The following CCNJL variants were observed in gnomAD, a reference collection of about 807,000 sequenced individuals.
The protein encoded by CCNJL is cyclin J like.
CCNJL carries 33 observed loss-of-function variants against 33.4 expected under a neutral mutation model. The ratio of observed to expected loss-of-function variants is 0.99; its 90% CI spans 0.75 to 1.32. The LOEUF (loss-of-function observed/expected upper bound fraction) is 1.32, where lower values mean the gene tolerates loss of function less well. Among genes scored for constraint, CCNJL ranks in the 40% most tolerant of loss-of-function variants. CCNJL has a pLI of 0.00. For missense variants in CCNJL, 512 were observed against 499.7 expected (o/e 1.02, Z -0.23); for synonymous variants, 227 against 220.9 (o/e 1.03, Z -0.24).
chr5:160,327,693 G>A (rs1581022551), intron 1 of CCNJL, among the ~76,000 whole-genome samples: 1 of 152,306 alleles, frequency 6.6e-6, no homozygotes, highest in Non-Finnish European at 1.5e-5. Flanking sequence ...CTTGTCAGAG[G>A]TCCTGGCAGG....
intron 1 of CCNJL, among the ~76,000 whole-genome samples, chr5:160,330,483 C>T (rs1024426822): frequency 2.6e-5 from 4 of 152,058 alleles, no homozygotes; most frequent in Non-Finnish European, 5.9e-5. Flanking sequence ...GTGGGCTCCT[C>T]TCTCCTCTCG....
intron 2 of CCNJL, among the ~76,000 whole-genome samples, chr5:160,306,738 T>C (rs1191048143): frequency 1.3e-5 from 2 of 152,148 alleles, no homozygotes; most frequent in Non-Finnish European, 2.9e-5. Flanking sequence ...AGGAGACGAG[T>C]GCAAGTTCTA....
At chr5:160,297,668 A>C (rs72812258) in intron 2 of CCNJL, among the ~76,000 whole-genome samples, 24,169 of 150,674 alleles carry the variant, frequency 0.16, 2,134 homozygotes, top group Non-Finnish European at 0.19. Context: ...AAAAAAAAAA[A>C]AAAACAAAAC....
At chr5:160,330,932 C>G (rs949264747) in intron 1 of CCNJL, among the ~76,000 whole-genome samples, 3 of 152,088 alleles carry the variant, frequency 2.0e-5, no homozygotes, top group African/African-American at 7.2e-5. Context: ...GGATTATAGG[C>G]GTGAGCCACT....
chr5:160,319,944 A>G (rs1164115521), intron 1 of CCNJL, among the ~76,000 whole-genome samples: 2 of 152,032 alleles, frequency 1.3e-5, no homozygotes, highest in East Asian at 3.9e-4. Flanking sequence ...AAATAAATAA[A>G]TAAATAAATA....
chr5:160,327,768 C>T (rs1763555847), intron 1 of CCNJL, among the ~76,000 whole-genome samples: 1 of 152,214 alleles, frequency 6.6e-6, no homozygotes, highest in African/African-American at 2.4e-5. Context: ...CTTTTCCTGT[C>T]TCACCTTCCC....
chr5:160,253,383 T>C lies in CCNJL; in HGVS notation c.1159A>G (p.Arg387Gly). 6.4e-7 allele frequency: 1 copy of C among 1,574,110 alleles called. No individual in the cohort carries two copies. Among genetic ancestry groups the C allele is most frequent in the Non-Finnish European group, 8.6e-7 (1 of 1,156,780 alleles). Residue 387 changes from arginine (R) to glycine (G), a missense_variant, in exon 6 of 6, where the codon AGA becomes GGA. Physicochemically the swap from Arg to Gly is moderately radical, Grantham distance 125. Coordinates refer to ENST00000257536, the MANE Select transcript of CCNJL (RefSeq NM_001308173.3). ...SHMFPTGCFD[R>G] The stretch of plus-strand genomic sequence containing the variant: ...TCGTGAGGTCTGGAGGTGGCCTATC[T>C]GTCAAAGCAGCCGGTGGGGAACATG...
At chr5:160,285,650 A>G (rs909280360) in intron 2 of CCNJL, among the ~76,000 whole-genome samples, 2 of 152,356 alleles carry the variant, frequency 1.3e-5, no homozygotes, top group Non-Finnish European at 2.9e-5. Context: ...ATCTCTCACT[A>G]GGAGAAACAG....
Position 160,253,806 on chromosome 5 carries a change from G to C in CCNJL, c.744-8C>G. ...AGGACGTTGTCATACACTCTGAAAC[G>C]AGAAGACCTGGGTGAGAACTGGAGG... On this transcript the variant is annotated splice_polypyrimidine_tract_variant and splice_region_variant and intron_variant, in intron 5 of 5. Coordinates refer to ENST00000257536, the MANE Select transcript of CCNJL (RefSeq NM_001308173.3). 3 of 1,497,154 alleles carry C rather than the reference G, an allele frequency of 2.0e-6. No homozygotes were observed. Among genetic ancestry groups the C allele is most frequent in the Non-Finnish European group, 2.7e-6 (3 of 1,128,032 alleles). 92.7% of individuals were successfully genotyped at this position (1,497,154 alleles called of 1,614,324 possible).
rs35461944 is a variant in CCNJL at position 160,337,003 on chromosome 5, C to CTT, written n.206+2440_206+2441dup. On this transcript the variant is annotated intron_variant and non_coding_transcript_variant, in intron 1 of 7. Coordinates refer to the CCNJL transcript ENST00000377503. Reference sequence around the variant, plus strand: ...CTTCCTTCCTTCTTTCTTTTTCTTTCTTTTTTTTTTTTTTTTTTTTGACAG... The same window carrying CTT: ...CTTCCTTCCTTCTTTCTTTTTCTTTCTTTTTTTTTTTTTTTTTTTTTTGACAG... 9.3e-3 allele frequency among the ~76,000 whole-genome samples: 884 copies of CTT among 95,054 alleles called. 28 individuals carry two copies. Among genetic ancestry groups the CTT allele is most frequent in the South Asian group, 9.5e-3 (23 of 2,414 alleles). 62.4% of individuals were successfully genotyped at this position (95,054 alleles called of 152,430 possible).
chr5:160,288,704 A>G (rs915842849), intron 2 of CCNJL, among the ~76,000 whole-genome samples: 1 of 151,824 alleles, frequency 6.6e-6, no homozygotes, highest in African/African-American at 2.4e-5. Flanking sequence ...TCCTGTCTCT[A>G]CTAAAAATAC....
At chr5:160,325,493 T>C (rs1200555413) in intron 1 of CCNJL, among the ~76,000 whole-genome samples, 1 of 152,188 alleles carries the variant, frequency 6.6e-6, no homozygotes, top group Non-Finnish European at 1.5e-5. Flanking sequence ...ATGGAAAAAC[T>C]TTACCTAACT....
chr5:160,301,537 G>A (rs759836792), intron 2 of CCNJL, among the ~76,000 whole-genome samples: 34 of 148,988 alleles, frequency 2.3e-4, no homozygotes, highest in Admixed American at 4.7e-4. Flanking sequence ...GGGTTCAAGC[G>A]ATTCTTCTGC....
intron 2 of CCNJL, among the ~76,000 whole-genome samples, chr5:160,293,467 AC>A (rs1290900395): frequency 8.5e-5 from 13 of 152,340 alleles, no homozygotes; most frequent in Admixed American, 7.2e-4. Context: ...ATACTTAATC[AC>A]TATAGGAATT....
At position 160,320,834 on chromosome 5, in the gene CCNJL, T is replaced by TTTCTTTCTTTCC. The variant is rs1561812485; in HGVS notation, n.207-5330_207-5329insGGAAAGAAAGAA. On this transcript the variant is annotated intron_variant and non_coding_transcript_variant, in intron 1 of 7. Transcript: ENST00000377503. ...CTTTCTTTCTTTCTTTCTTTCTTTC[T>TTTCTTTCTTTCC]TTCTTTCTTTCTTTCCTTCTTTCTT... 7.4e-3 allele frequency among the ~76,000 whole-genome samples: 891 copies of TTTCTTTCTTTCC among 120,030 alleles called. 9 individuals carry two copies. The highest frequency in any genetic ancestry group is 0.021 in the African/African-American group (601 of 28,610). 78.7% of individuals were successfully genotyped at this position (120,030 alleles called of 152,430 possible).
chr5:160,331,323 A>G (rs1347440602), intron 1 of CCNJL, among the ~76,000 whole-genome samples: 2 of 148,118 alleles, frequency 1.4e-5, no homozygotes, highest in African/African-American at 5.0e-5. Flanking sequence ...TCCCGGGTTC[A>G]CACCATTCTC....
At chr5:160,309,869 C>A (rs1763207863) in intron 2 of CCNJL, among the ~76,000 whole-genome samples, 1 of 152,180 alleles carries the variant, frequency 6.6e-6, no homozygotes, top group Admixed American at 6.5e-5. Flanking sequence ...TTCTAACCTG[C>A]AAAACTGGGA....
intron 1 of CCNJL, among the ~76,000 whole-genome samples, chr5:160,319,604 G>C (rs374808210): frequency 5.5e-4 from 83 of 152,266 alleles, no homozygotes; most frequent in African/African-American, 1.9e-3. Context: ...AGTGCCTGCA[G>C]TAAAGGACGT....
chr5:160,325,481 G>A (rs1014557505), intron 1 of CCNJL, among the ~76,000 whole-genome samples: 4 of 152,024 alleles, frequency 2.6e-5, no homozygotes, highest in South Asian at 2.1e-4. Flanking sequence ...CCTAAATTTC[G>A]TATGGAAAAA....
Sources: gnomAD v4.1 joint callset for allele counts (sites outside exome capture counted in the v4.1 genomes callset) on GRCh38, gnomAD v4.1.1 for gene constraint, MANE v1.5 for transcripts, NCBI Gene and HGNC (gene_info 2026-07-23, HGNC 2026-07-21) for gene names.